PKHD1L1: variants seen among roughly 807,000 people sequenced by gnomAD.
The protein encoded by PKHD1L1 is PKHD1 like 1.
PKHD1L1 carries 434 observed loss-of-function variants against 462.9 expected under a neutral mutation model. The observed-to-expected ratio is 0.94, with a 90% CI of 0.87 to 1.02. The LOEUF (loss-of-function observed/expected upper bound fraction) is 1.02, where lower values mean the gene tolerates loss of function less well. Ranked by LOEUF, PKHD1L1 falls within the 50% of genes least tolerant of loss-of-function variation. PKHD1L1 has a pLI of 0.00. For missense variants in PKHD1L1, 5,202 were observed against 5,096.1 expected (o/e 1.02, Z -0.63); for synonymous variants, 1,781 against 1,750.0 (o/e 1.02, Z -0.44).
chr8:109,413,353 A>G (rs971299611), intron 20 of PKHD1L1, 68 bp from the exon 21 acceptor site: 8 of 1,068,334 alleles, frequency 7.5e-6, no homozygotes, highest in Non-Finnish European at 1.0e-5. Flanking sequence ...CTTTGAATTT[A>G]TTTGAATTGT....
rs1319040452 is a variant in PKHD1L1 at position 109,510,866 on chromosome 8, G to A, written c.11485G>A (p.Glu3829Lys). 1 of 1,613,326 alleles carries A rather than the reference G, an allele frequency of 6.2e-7. No homozygotes were observed. The highest frequency in any genetic ancestry group is 2.2e-5 in the East Asian group (1 of 44,868). The change falls in exon 71 of 78, where the codon GAA becomes AAA. Residue 3829 changes from glutamate to lysine, a missense_variant. Physicochemically the swap from Glu to Lys is moderately conservative, Grantham distance 56. Transcript: ENST00000378402. ...CATTGTGGCTCTGAACAAATCTTAT[G>A]AAGTTTACTTCACTGGCACCAGTCC... ...HSIVALNKSY[E>K]VYFTGTSPQN... is the part of the protein sequence containing the mutation.
intron 25 of PKHD1L1, 110 bp downstream of exon 25, chr8:109,427,266 C>T (rs1013196003): frequency 2.3e-6 from 2 of 854,354 alleles, no homozygotes; most frequent in African/African-American, 1.7e-5. Flanking sequence ...AAAATTCAAA[C>T]CATAAACTAA....
chr8:109,447,180 A>C (rs953477856), intron 38 of PKHD1L1, among the ~76,000 whole-genome samples: 4 of 152,162 alleles, frequency 2.6e-5, no homozygotes, highest in Non-Finnish European at 4.4e-5. Flanking sequence ...CTGAGATCAC[A>C]CCACTGCACT....
Position 109,452,315 on chromosome 8 carries a change from T to C in PKHD1L1, c.6507+35T>C, listed in dbSNP as rs756200871. 63 of 1,470,368 alleles carry C rather than the reference T, an allele frequency of 4.3e-5. No homozygotes were observed. In the Admixed American group the frequency reaches 1.4e-3, roughly 32 times the overall value. The allele number at this position is 1,470,368 out of a possible 1,614,324, so 91.1% of individuals were successfully genotyped here. A position where few individuals can be genotyped will look rare whatever the true frequency, so the allele number is the denominator to read the frequency against. ...CTGTTGGGTATAGTAATCACAGCAA[T>C]AGAAAACCAGCATTATGGGAGGTGG... is the stretch of plus-strand genomic sequence containing the variant. On this transcript the variant is annotated intron_variant, in intron 42 of 77. Coordinates refer to ENST00000378402, the MANE Select transcript of PKHD1L1 (RefSeq NM_177531.6).
At chr8:109,448,974 A>T (rs938258649) in intron 39 of PKHD1L1, among the ~76,000 whole-genome samples, 40 of 152,174 alleles carry the variant, frequency 2.6e-4, no homozygotes, top group African/African-American at 6.5e-4. Flanking sequence ...TATTTAAAAA[A>T]TTTTTTAGTT....
intron 20 of PKHD1L1, 54 bp from the exon 21 acceptor site, chr8:109,413,367 G>A: frequency 8.3e-7 from 1 of 1,203,822 alleles, no homozygotes; most frequent in Non-Finnish European, 1.1e-6. Context: ...GAATTGTTGT[G>A]AAACAATGTA....
At chr8:109,415,863 G>GA (rs1431673390) in intron 21 of PKHD1L1, among the ~76,000 whole-genome samples, 1 of 64,052 alleles carries the variant, frequency 1.6e-5, no homozygotes, top group African/African-American at 4.9e-5. Flanking sequence ...AAAAAAAAAG[G>GA]GGTGTGTGTG....
intron 51 of PKHD1L1, among the ~76,000 whole-genome samples, chr8:109,476,287 G>A (rs193054481): frequency 0.029 from 4,128 of 140,622 alleles, 185 homozygotes; most frequent in African/African-American, 0.12. Context: ...ACACAGGAGA[G>A]AGAGAGAGAT....
intron 53 of PKHD1L1, among the ~76,000 whole-genome samples, chr8:109,478,736 A>T (rs1198759855): frequency 1.3e-5 from 2 of 152,134 alleles, no homozygotes; most frequent in African/African-American, 4.8e-5. Context: ...ACTATAACAG[A>T]TTTAGATTGC....
At position 109,445,251 on chromosome 8, in the gene PKHD1L1, T is replaced by A; in HGVS notation, c.5382T>A (p.Asn1794Lys). ...AACAGTTCAGAGCAATAGAGGTTAATGAAAACAACATCACTGCTCTTGTGA... is the reference window on the plus strand; with the variant it reads ...AACAGTTCAGAGCAATAGAGGTTAAAGAAAACAACATCACTGCTCTTGTGA... ...GNQQFRAIEV[N>K]ENNITALVTP... Residue 1794 changes from asparagine to lysine, a missense_variant, in exon 38 of 78, where the codon AAT (asparagine) becomes AAA (lysine). By Grantham distance (94) the Asn-to-Lys change is moderately conservative. Coordinates refer to ENST00000378402, the MANE Select transcript of PKHD1L1 (RefSeq NM_177531.6). The A allele has an allele frequency of 6.2e-7, 1 of 1,614,028 alleles. No individual in the cohort carries two copies. Among genetic ancestry groups the A allele is most frequent in the Non-Finnish European group, 8.5e-7 (1 of 1,179,894 alleles).
chr8:109,463,506 A>G (rs1817251808), intron 48 of PKHD1L1, among the ~76,000 whole-genome samples: 2 of 152,296 alleles, frequency 1.3e-5, no homozygotes, highest in South Asian at 4.2e-4. Flanking sequence ...ACAAAAATAG[A>G]GGAAGTAACG....
chr8:109,370,162 A>G (rs1023567907), intron 2 of PKHD1L1, among the ~76,000 whole-genome samples: 7 of 152,166 alleles, frequency 4.6e-5, no homozygotes, highest in Non-Finnish European at 4.4e-5. Context: ...TCTGTCGCCC[A>G]GGCTGGAGTG....
At chr8:109,485,278 A>G in intron 58 of PKHD1L1, 105 bp downstream of exon 58, 4 of 1,103,342 alleles carry the variant, frequency 3.6e-6, no homozygotes, top group Non-Finnish European at 5.0e-6. Context: ...AATATGTTAA[A>G]GGAGCATTTT....
intron 58 of PKHD1L1, among the ~76,000 whole-genome samples, chr8:109,485,398 G>T (rs1818475577): frequency 6.6e-6 from 1 of 151,918 alleles, no homozygotes. Context: ...AAGACTTACT[G>T]TTTGACATTT....
intron 70 of PKHD1L1, among the ~76,000 whole-genome samples, chr8:109,508,671 A>G (rs1819823603): frequency 6.6e-6 from 1 of 152,208 alleles, no homozygotes; most frequent in African/African-American, 2.4e-5. Flanking sequence ...TATTTGGAAT[A>G]CCTGACAAGC....
rs1206818484 is a variant in PKHD1L1, at chr8:109,507,879, G to C, written c.11211G>C (p.Glu3737Asp). 1 of 1,613,516 alleles carries C rather than the reference G, an allele frequency of 6.2e-7. No homozygotes were observed. The highest frequency in any genetic ancestry group is 8.5e-7 in the Non-Finnish European group (1 of 1,179,606). Residue 3737 changes from glutamate (E) to aspartate (D), a missense_variant, in exon 69 of 78, where the codon GAG becomes GAC. Transcript: ENST00000378402. ...FLNGSRIPVT[E>D]KAPHKGIIRD... ...ATGGAAGTAGAATTCCTGTCACTGA[G>C]AAAGCACCTCATAAAGGTTTGTTGG...
rs754288667 is a variant in PKHD1L1, at chr8:109,400,230, T to C, written c.1167T>C (p.Val389=). The change falls in exon 13 of 78, where the codon GTT becomes GTC. Residue 389 remains valine, a synonymous_variant. Coordinates refer to ENST00000378402, the MANE Select transcript of PKHD1L1 (RefSeq NM_177531.6). The part of the protein sequence containing the change: ...YIWLMEQDTF[V]ARFSGFLVAP... ...GGCTCATGGAACAAGACACATTTGT[T>C]GCACGCTTTAGTGGATTTTTGGTGG... 103 of 1,613,716 alleles carry C rather than the reference T, an allele frequency of 6.4e-5. No homozygotes were observed. In the South Asian group the frequency reaches 1.1e-3, roughly 17 times the overall value.
chr8:109,517,419 A>G (rs1040499173), intron 72 of PKHD1L1, among the ~76,000 whole-genome samples: 1 of 152,160 alleles, frequency 6.6e-6, no homozygotes, highest in African/African-American at 2.4e-5. Context: ...AAGAAGCTAC[A>G]TATCTCATTC....
At chr8:109,509,516 T>C (rs1215472912) in intron 70 of PKHD1L1, among the ~76,000 whole-genome samples, 2 of 151,352 alleles carry the variant, frequency 1.3e-5, no homozygotes, top group Non-Finnish European at 2.9e-5. Context: ...AGAAAAATCA[T>C]GAAGGTGTTA....
Sources: gnomAD v4.1 joint callset for allele counts (sites outside exome capture counted in the v4.1 genomes callset) on GRCh38, gnomAD v4.1.1 for gene constraint, MANE v1.5 for transcripts, NCBI Gene and HGNC (gene_info 2026-07-23, HGNC 2026-07-21) for gene names.